Variants in RGS7 observed in about 807,000 individuals in gnomAD.
RGS7 encodes regulator of G protein signaling 7, also known as regulator of G-protein signaling 7.
In RGS7, 27 loss-of-function variants were observed where a neutral mutation model predicts 81.1. The observed-to-expected ratio is 0.33, with a 90% CI of 0.25 to 0.46. The LOEUF (loss-of-function observed/expected upper bound fraction) is 0.46, where lower values mean the gene tolerates loss of function less well. Ranked by LOEUF, RGS7 falls within the 20% of genes least tolerant of loss-of-function variation. The pLI is 1.00. For missense variants in RGS7, 396 were observed against 607.4 expected (o/e 0.65, Z 3.66); for synonymous variants, 208 against 207.7 (o/e 1.00, Z -0.01).
intron 2 of RGS7, among the ~76,000 whole-genome samples, chr1:241,338,018 A>T (rs2082340243): frequency 6.6e-6 from 1 of 152,186 alleles, no homozygotes; most frequent in South Asian, 2.1e-4. Context: ...TCAAAACGTC[A>T]GTTATTTTTA....
intron 3 of RGS7, among the ~76,000 whole-genome samples, chr1:241,057,267 C>T (rs988434677): frequency 6.6e-6 from 1 of 152,096 alleles, no homozygotes; most frequent in African/African-American, 2.4e-5. Flanking sequence ...ACGTTCCAGT[C>T]CCACCTCTCA....
At chr1:240,908,744 T>G (rs1671258985) in intron 6 of RGS7, among the ~76,000 whole-genome samples, 1 of 152,144 alleles carries the variant, frequency 6.6e-6, no homozygotes, top group Admixed American at 6.5e-5. Flanking sequence ...TTCAATTAAT[T>G]CACAAGAAAA....
intron 18 of RGS7, among the ~76,000 whole-genome samples, chr1:240,785,182 C>T (rs955814462): frequency 6.6e-6 from 1 of 152,146 alleles, no homozygotes; most frequent in African/African-American, 2.4e-5. Flanking sequence ...CCTGGATTTC[C>T]AAATCCTTCA....
At chr1:241,003,460 CAAAA>C (rs554768415) in intron 3 of RGS7, among the ~76,000 whole-genome samples, 221 of 83,314 alleles carry the variant, frequency 2.7e-3, no homozygotes, top group African/African-American at 9.0e-3. Flanking sequence ...GACTCCGTCT[CAAAA>C]AAAAAAAAAA....
chr1:241,209,205 T>C (rs537711454), intron 2 of RGS7, among the ~76,000 whole-genome samples: 1 of 152,300 alleles, frequency 6.6e-6, no homozygotes, highest in East Asian at 1.9e-4. Context: ...CTTTTAACAG[T>C]GCTTTGATGG....
intron 2 of RGS7, among the ~76,000 whole-genome samples, chr1:241,328,557 A>G (rs2081759529): frequency 6.6e-6 from 1 of 152,146 alleles, no homozygotes; most frequent in Non-Finnish European, 1.5e-5. Context: ...GACCAGGTTA[A>G]TTTAACCTGT....
At chr1:240,829,796 C>T (rs752154674) in intron 9 of RGS7, among the ~76,000 whole-genome samples, 1 of 152,208 alleles carries the variant, frequency 6.6e-6, no homozygotes, top group Middle Eastern at 3.4e-3. Flanking sequence ...GATTCTGTCT[C>T]TCTCTGTCTT....
At chr1:240,847,985 T>C (rs993549312) in intron 9 of RGS7, among the ~76,000 whole-genome samples, 3 of 152,206 alleles carry the variant, frequency 2.0e-5, no homozygotes, top group Admixed American at 2.0e-4. Context: ...TAAAAAGCTT[T>C]AGAAAATAGT....
chr1:241,016,020 TTTA>T (rs2059200795), intron 3 of RGS7, among the ~76,000 whole-genome samples: 1 of 152,210 alleles, frequency 6.6e-6, no homozygotes, highest in African/African-American at 2.4e-5. Flanking sequence ...CAGGTCTTAA[TTTA>T]TTGTTTAATT....
At chr1:241,252,253 A>C (rs953730765) in intron 2 of RGS7, among the ~76,000 whole-genome samples, 1 of 152,122 alleles carries the variant, frequency 6.6e-6, no homozygotes, top group African/African-American at 2.4e-5. Flanking sequence ...CATGTTGACC[A>C]GGCTGGTCTT....
At chr1:241,316,756 G>T (rs574576915) in intron 2 of RGS7, among the ~76,000 whole-genome samples, 1 of 151,924 alleles carries the variant, frequency 6.6e-6, no homozygotes, top group African/African-American at 2.4e-5. Context: ...TTTTGTATTG[G>T]GTTAATGCTG....
chr1:240,952,761 T>C (rs2148442265), intron 4 of RGS7, among the ~76,000 whole-genome samples: 1 of 152,016 alleles, frequency 6.6e-6, no homozygotes, highest in African/African-American at 2.4e-5. Flanking sequence ...CTAAGTGGAT[T>C]ACAAGGAAAA....
intron 6 of RGS7, among the ~76,000 whole-genome samples, chr1:240,911,206 T>A (rs943513639): frequency 6.6e-6 from 1 of 152,138 alleles, no homozygotes; most frequent in African/African-American, 2.4e-5. Flanking sequence ...ATCATTTACA[T>A]CTTGCAGGGA....
At position 241,325,737 on chromosome 1, in the gene RGS7, A is replaced by G. The variant is rs142003716; in HGVS notation, c.78+29962T>C. Among the ~76,000 whole-genome samples, 239 of 152,276 alleles carry G rather than the reference A, an allele frequency of 1.6e-3. 1 individual carries two copies. Among genetic ancestry groups the G allele is most frequent in the African/African-American group, 5.2e-3 (214 of 41,552 alleles). ...TGCATCTCTCATGTTTTAGGACAAC[A>G]TTCTGATCACAAACTATTCTCCTTT... On this transcript the variant is annotated intron_variant, in intron 2 of 18. Transcript: ENST00000440928.
At chr1:241,100,704 T>C (rs536983922) in intron 2 of RGS7, among the ~76,000 whole-genome samples, 1 of 152,298 alleles carries the variant, frequency 6.6e-6, no homozygotes, top group Non-Finnish European at 1.5e-5. Context: ...GGGATTGCAT[T>C]GGGCCTAGGG....
At chr1:241,226,454 TG>T (rs1454733607) in intron 2 of RGS7, among the ~76,000 whole-genome samples, 3 of 152,168 alleles carry the variant, frequency 2.0e-5, no homozygotes, top group Non-Finnish European at 4.4e-5. Flanking sequence ...TCTAAAGGAT[TG>T]GAAGTACTAC....
intron 18 of RGS7, among the ~76,000 whole-genome samples, chr1:240,799,687 T>G (rs1687721902): frequency 6.6e-6 from 1 of 152,152 alleles, no homozygotes; most frequent in Non-Finnish European, 1.5e-5. Flanking sequence ...GTGCATAATT[T>G]TTATAACATC....
At chr1:241,242,205 G>A (rs750891595) in intron 2 of RGS7, among the ~76,000 whole-genome samples, 7 of 151,624 alleles carry the variant, frequency 4.6e-5, no homozygotes, top group African/African-American at 1.2e-4. Flanking sequence ...CACAATGTTC[G>A]GCTTTCCATC....
chr1:240,956,339 T>C (rs762410489), intron 4 of RGS7, among the ~76,000 whole-genome samples: 1 of 151,004 alleles, frequency 6.6e-6, no homozygotes, highest in Non-Finnish European at 1.5e-5. Flanking sequence ...TAAGTAATTT[T>C]ATATTTTGAG....
Sources: allele counts gnomAD v4.1 joint callset (sites outside exome capture counted in the v4.1 genomes callset), GRCh38; gene constraint gnomAD v4.1.1; transcripts MANE v1.5; gene names NCBI Gene and HGNC (gene_info 2026-07-23, HGNC 2026-07-21).